Variants in SFI1 observed in about 807,000 individuals in gnomAD.
The protein encoded by SFI1 is protein SFI1 homolog.
In SFI1, 195 loss-of-function variants were observed where a neutral mutation model predicts 207.5. That is an observed-to-expected ratio of 0.94 (90% CI 0.84 to 1.06). The LOEUF (loss-of-function observed/expected upper bound fraction) is 1.06. Ranked by LOEUF, SFI1 falls within the 50% of genes least tolerant of loss-of-function variation. The probability of loss-of-function intolerance (pLI) is 0.00; values close to 1 mark genes in which losing one functional copy is unlikely to be tolerated. For missense variants in SFI1, 1,634 were observed against 1,588.0 expected (o/e 1.03, Z -0.49); for synonymous variants, 630 against 598.9 (o/e 1.05, Z -0.76).
intron 2 of SFI1, among the ~76,000 whole-genome samples, chr22:31,524,996 G>A (rs2057744694): frequency 6.6e-6 from 1 of 151,588 alleles, no homozygotes; most frequent in Non-Finnish European, 1.5e-5. Flanking sequence ...GTTTCACCAT[G>A]TTGGCCAGGC....
At chr22:31,612,426 T>TATATATATATATATATATAA (rs1491348905) in intron 24 of SFI1, 72 of 99,794 alleles carry the variant, frequency 7.2e-4, no homozygotes, top group East Asian at 2.0e-3. Flanking sequence ...TATATATATA[T>TATATATATATATATATATAA]AATCAGTGGG....
At chr22:31,569,913 C>T (rs2062768922) in intron 8 of SFI1, among the ~76,000 whole-genome samples, 1 of 150,336 alleles carries the variant, frequency 6.7e-6, no homozygotes. Context: ...GTACCACTGC[C>T]CTCTAGCCTG....
At chr22:31,499,759 C>T (rs776437630) in intron 1 of SFI1, among the ~76,000 whole-genome samples, 10 of 151,618 alleles carry the variant, frequency 6.6e-5, no homozygotes, top group East Asian at 1.9e-4. Flanking sequence ...GAGGCTGAGG[C>T]GGGCGGATTA....
At chr22:31,522,572 T>G (rs2057406655) in intron 2 of SFI1, among the ~76,000 whole-genome samples, 2 of 152,368 alleles carry the variant, frequency 1.3e-5, no homozygotes, top group Non-Finnish European at 2.9e-5. Context: ...GTACCTCATG[T>G]AAGTGGAATC....
chr22:31,602,402 C>A, intron 16 of SFI1, 109 bp downstream of exon 16: 1 of 1,231,408 alleles, frequency 8.1e-7, no homozygotes, highest in East Asian at 2.3e-5. Flanking sequence ...CTGGAGGGCC[C>A]CTGCCTGTGA....
intron 2 of SFI1, among the ~76,000 whole-genome samples, chr22:31,527,128 C>T (rs2058007897): frequency 1.3e-5 from 2 of 152,166 alleles, no homozygotes; most frequent in Non-Finnish European, 1.5e-5. Context: ...AACTCCTGAC[C>T]TCAGGTGACC....
intron 12 of SFI1, 71 bp from the exon 13 acceptor site, chr22:31,583,804 T>G: frequency 7.4e-7 from 1 of 1,357,904 alleles, no homozygotes; most frequent in Non-Finnish European, 1.1e-6. Context: ...GCTCACAGTC[T>G]GTTGGAGTAA....
At chr22:31,561,163 G>C in intron 7 of SFI1, 127 bp from the exon 8 acceptor site, 1 of 700,896 alleles carries the variant, frequency 1.4e-6, no homozygotes, top group Non-Finnish European at 2.4e-6. Flanking sequence ...CCCCAGCAGT[G>C]AATCTAGAGA....
chr22:31,570,819 C>G (rs894575717), intron 8 of SFI1, among the ~76,000 whole-genome samples: 1 of 152,026 alleles, frequency 6.6e-6, no homozygotes, highest in Non-Finnish European at 1.5e-5. Context: ...GCTGAGCCTG[C>G]GAGGTGCACA....
intron 12 of SFI1, among the ~76,000 whole-genome samples, chr22:31,582,240 T>A (rs373856541): frequency 5.4e-3 from 163 of 30,388 alleles, no homozygotes; most frequent in South Asian, 6.3e-3. Context: ...ATATATATTT[T>A]TTTTTTTTTT....
chr22:31,563,674 C>G (rs939275530), intron 8 of SFI1, among the ~76,000 whole-genome samples: 1 of 152,122 alleles, frequency 6.6e-6, no homozygotes, highest in African/African-American at 2.4e-5. Flanking sequence ...CAACCCCTGC[C>G]TCCCGGGTTC....
chr22:31,611,909 G>A (rs1385026767), intron 24 of SFI1, 69 bp downstream of exon 24: 7 of 1,594,586 alleles, frequency 4.4e-6, no homozygotes, highest in Non-Finnish European at 5.1e-6. Flanking sequence ...CCTGGGCAGT[G>A]AATGACCTTC....
At chr22:31,612,433 T>TGGGCC (rs1231252792) in intron 24 of SFI1, 2 of 94,624 alleles carry the variant, frequency 2.1e-5, no homozygotes, top group African/African-American at 8.2e-5. Flanking sequence ...ATATAATCAG[T>TGGGCC]GGGCCGGGCA....
rs1282901878 is a variant in SFI1 at position 31,546,654 on chromosome 22, A to C, written c.339-207A>C. 3.3e-5 allele frequency among the ~76,000 whole-genome samples: 4 copies of C among 119,660 alleles called. 1 individual carries two copies. Among genetic ancestry groups the C allele is most frequent in the Non-Finnish European group, 6.7e-5 (4 of 59,706 alleles). 78.5% of individuals were successfully genotyped at this position (119,660 alleles called of 152,430 possible). On this transcript the variant is annotated intron_variant, in intron 4 of 32. Transcript: ENST00000400288. ...TTTTTTTTTTTTTTTTTTTTAGTAG[A>C]GACGGGGTTTCACCATGTTAGCCAG...
intron 5 of SFI1, 96 bp downstream of exon 5, chr22:31,547,067 G>T: frequency 1.1e-6 from 1 of 907,336 alleles, no homozygotes; most frequent in Admixed American, 2.5e-5. Context: ...CAAACTTTGG[G>T]TCACTTTTGG....
At chr22:31,525,398 G>T (rs956294358) in intron 2 of SFI1, among the ~76,000 whole-genome samples, 2 of 152,002 alleles carry the variant, frequency 1.3e-5, no homozygotes, top group Non-Finnish European at 1.5e-5. Flanking sequence ...TATTAAGGAG[G>T]GTGTCCTTTC....
At chr22:31,604,463 CTT>C in intron 19 of SFI1, 59 bp downstream of exon 19, 5 of 1,346,034 alleles carry the variant, frequency 3.7e-6, no homozygotes, top group Non-Finnish European at 4.9e-6. Flanking sequence ...TTTCTGGAGA[CTT>C]TGTTTTCCTT....
At chr22:31,558,166 AAAGT>A (rs2061351541) in intron 7 of SFI1, among the ~76,000 whole-genome samples, 1 of 152,196 alleles carries the variant, frequency 6.6e-6, no homozygotes, top group Admixed American at 6.6e-5. Flanking sequence ...AGGAATAAAT[AAAGT>A]AATATCTGTA....
Position 31,603,829 on chromosome 22 carries a change from T to C in SFI1, c.1881+10T>C. On this transcript the variant is annotated intron_variant, in intron 18 of 32. Coordinates refer to ENST00000400288, the MANE Select transcript of SFI1 (RefSeq NM_001007467.3). ...GAGCCAGTGGAGGGAGGTAAGGCTT[T>C]GGTGCGAGGTGCCACCCGTGTATGA... The C allele has an allele frequency of 6.4e-7, 1 of 1,573,246 alleles. No homozygotes were observed.
Sources: allele counts gnomAD v4.1 joint callset (sites outside exome capture counted in the v4.1 genomes callset), GRCh38; gene constraint gnomAD v4.1.1; transcripts MANE v1.5; gene names NCBI Gene and HGNC (gene_info 2026-07-23, HGNC 2026-07-21).